Variants in ZNF638 observed in about 807,000 individuals in gnomAD.
The protein encoded by ZNF638 is CTCL tumor antigen se33-1.
In ZNF638, 46 loss-of-function variants were observed where a neutral mutation model predicts 195.6. That is an observed-to-expected ratio of 0.24 (90% CI 0.19 to 0.30). ZNF638 has a LOEUF of 0.30. Ranked by LOEUF, ZNF638 falls within the 10% of genes least tolerant of loss-of-function variation. The pLI is 1.00. For synonymous variants in ZNF638, 845 were observed against 772.0 expected, an observed-to-expected ratio of 1.09 and a Z score of -1.57; for missense variants, 2,440 against 2,325.3, an observed-to-expected ratio of 1.05 and a Z score of -1.01.
intron 3 of ZNF638, among the ~76,000 whole-genome samples, chr2:71,356,796 T>G (rs1026762025): frequency 2.7e-5 from 4 of 149,546 alleles, no homozygotes; most frequent in African/African-American, 9.9e-5. Flanking sequence ...AAAAAAAAAT[T>G]TTTTTTTTTT....
In ZNF638 at chr2:71,331,808, G is replaced by C. The variant is rs1454449632; in HGVS notation, c.-270G>C. 1.0e-6 allele frequency: 1 copy of C among 986,066 alleles called. No individual in the cohort carries two copies. The highest frequency in any genetic ancestry group is 1.2e-6 in the Non-Finnish European group (1 of 830,202). 61.1% of individuals were successfully genotyped at this position (986,066 alleles called of 1,614,324 possible). On this transcript the variant is annotated 5_prime_UTR_variant, in exon 1 of 28. Transcript: ENST00000264447. ...GAGGCGGTAGCGTTTTCGGCGTCGA[G>C]ACTGGAGGCTGAGTGCTAAACTGTG...
chr2:71,423,558 A>G lies in ZNF638; in HGVS notation c.4044A>G (p.Ala1348=). The G allele has an allele frequency of 1.2e-6, 2 of 1,614,068 alleles. No homozygotes were observed. Among genetic ancestry groups the G allele is most frequent in the South Asian group, 1.1e-5 (1 of 91,078 alleles). Residue 1348 remains alanine (A), a synonymous_variant, in exon 22 of 28, where the codon GCA becomes GCG. Coordinates refer to ENST00000264447, the MANE Select transcript of ZNF638 (RefSeq NM_014497.5). ...MDAEKVEKMA[A]MKEKPAENTL... ...CAGAAAAGGTGGAAAAGATGGCAGC[A>G]ATGAAAGAAAAGCCTGCAGAAAACA...
intron 8 of ZNF638, among the ~76,000 whole-genome samples, chr2:71,373,715 G>A (rs1023376021): frequency 1.3e-5 from 2 of 151,952 alleles, no homozygotes; most frequent in Admixed American, 1.3e-4. Flanking sequence ...ACCTCGCCCG[G>A]CCAAGTTTGA....
At chr2:71,369,482 T>A (rs977873384) in intron 7 of ZNF638, among the ~76,000 whole-genome samples, 5 of 152,088 alleles carry the variant, frequency 3.3e-5, no homozygotes, top group Non-Finnish European at 5.9e-5. Flanking sequence ...TTAATTTTTT[T>A]AAAAAGTTTG....
Position 71,362,499 on chromosome 2 carries a change from C to G in ZNF638, c.1380-654C>G, listed in dbSNP as rs116285159. On this transcript the variant is annotated intron_variant, in intron 3 of 27. Transcript: ENST00000264447. The stretch of plus-strand genomic sequence containing the variant: ...TTTTAAGGCTCTTCGTAATTTGTCT[C>G]TACCTGAAACAACAGACAGCCTGTC... Among the ~76,000 whole-genome samples the G allele has an allele frequency of 3.0e-3, 456 of 152,252 alleles. 1 individual carries two copies. Among genetic ancestry groups the G allele is most frequent in the African/African-American group, 0.01 (436 of 41,534 alleles).
In ZNF638 at chr2:71,364,723, T is replaced by C. The variant is rs150325965; in HGVS notation, c.1717+471T>C. ...TTGACTAGCCTGAAAAATTCAAAAA[T>C]AGTACTTTGCACAGGTCTTATTGTG... On this transcript the variant is annotated intron_variant, in intron 5 of 27. Coordinates refer to ENST00000264447, the MANE Select transcript of ZNF638 (RefSeq NM_014497.5). 5.1e-3 allele frequency among the ~76,000 whole-genome samples: 782 copies of C among 152,304 alleles called. 4 individuals are homozygous for C. The highest frequency in any genetic ancestry group is 0.018 in the African/African-American group (744 of 41,574).
intron 10 of ZNF638, among the ~76,000 whole-genome samples, chr2:71,389,456 T>TGCTA (rs1277211526): frequency 2.0e-5 from 3 of 152,182 alleles, no homozygotes; most frequent in Admixed American, 6.5e-5. Context: ...GACTGGTCAG[T>TGCTA]GCTAGCTAAA....
Position 71,400,523 on chromosome 2 carries a change from G to A in ZNF638, c.2697+5G>A. On this transcript the variant is annotated splice_donor_5th_base_variant and intron_variant, in intron 15 of 27. Coordinates refer to ENST00000264447, the MANE Select transcript of ZNF638 (RefSeq NM_014497.5). ...GAGAATGAACCACTTAACAAGGTCA[G>A]TTTTCATGTTTTATTTATTTCTTTA... 1 of 1,595,608 alleles carries A rather than the reference G, an allele frequency of 6.3e-7. No homozygotes were observed. The highest frequency in any genetic ancestry group is 8.5e-7 in the Non-Finnish European group (1 of 1,172,640).
intron 8 of ZNF638, among the ~76,000 whole-genome samples, chr2:71,379,177 T>C (rs776757790): frequency 1.3e-5 from 2 of 152,238 alleles, no homozygotes; most frequent in African/African-American, 2.4e-5. Context: ...AGTTGAACTT[T>C]AGACATTTGA....
chr2:71,362,536 C>G (rs1456048787), intron 3 of ZNF638, among the ~76,000 whole-genome samples: 3 of 152,182 alleles, frequency 2.0e-5, no homozygotes, highest in African/African-American at 7.2e-5. Context: ...AAGTTTCCCC[C>G]TTTATAATTC....
Position 71,348,885 on chromosome 2 carries a change from G to C in ZNF638, c.-70G>C, listed in dbSNP as rs1190967023. The C allele has an allele frequency of 2.5e-6, 4 of 1,613,612 alleles. No individual in the cohort carries two copies. Among genetic ancestry groups the C allele is most frequent in the Non-Finnish European group, 3.4e-6 (4 of 1,179,986 alleles). On this transcript the variant is annotated 5_prime_UTR_variant, in exon 2 of 28. Coordinates refer to ENST00000264447, the MANE Select transcript of ZNF638 (RefSeq NM_014497.5). ...AGACTCAGTTGGCGCTTCAGCAGCT[G>C]AATGCCGTTGCCTCACATGGTTCAA...
rs771817942 is a variant in ZNF638, at chr2:71,423,304, G to A, written c.3790G>A (p.Glu1264Lys). 6.2e-7 allele frequency: 1 copy of A among 1,613,846 alleles called. No individual in the cohort carries two copies. Among genetic ancestry groups the A allele is most frequent in the South Asian group, 1.1e-5 (1 of 91,070 alleles). Reference sequence around the variant, plus strand: ...ACAGACTATGGTAGAAGCTGTAGCTGAAGTAGAAAAAAATGAAACTGTTTC... The same window carrying A: ...ACAGACTATGGTAGAAGCTGTAGCTAAAGTAGAAAAAAATGAAACTGTTTC... ...ITQTMVEAVA[E>K]VEKNETVSEI... The change falls in exon 22 of 28, where the codon GAA becomes AAA. Residue 1264 changes from glutamate (E) to lysine (K), a missense_variant. Transcript: ENST00000264447.
chr2:71,414,039 T>C (rs1193617622), intron 20 of ZNF638, among the ~76,000 whole-genome samples: 10 of 138,112 alleles, frequency 7.2e-5, no homozygotes, highest in African/African-American at 2.4e-4. Context: ...ATTGGAATAG[T>C]TTCAGAAGGA....
At chr2:71,351,998 G>A (rs2078948387) in intron 2 of ZNF638, among the ~76,000 whole-genome samples, 1 of 152,180 alleles carries the variant, frequency 6.6e-6, no homozygotes, top group South Asian at 2.1e-4. Context: ...GTAACAGTAT[G>A]TGTTTAAAAA....
intron 2 of ZNF638, among the ~76,000 whole-genome samples, chr2:71,353,881 A>T (rs533614471): frequency 1.6e-4 from 25 of 152,346 alleles, no homozygotes; most frequent in African/African-American, 6.0e-4. Context: ...TCCAATTAAT[A>T]TTAAAAATAT....
intron 20 of ZNF638, among the ~76,000 whole-genome samples, chr2:71,411,506 G>T (rs1573143745): frequency 9.4e-6 from 1 of 105,956 alleles, no homozygotes; most frequent in Non-Finnish European, 1.9e-5. Flanking sequence ...CTAAGTTTTA[G>T]GGTACATGTG....
intron 10 of ZNF638, among the ~76,000 whole-genome samples, chr2:71,392,960 T>C (rs1187879995): frequency 6.6e-6 from 1 of 152,324 alleles, no homozygotes; most frequent in African/African-American, 2.4e-5. Flanking sequence ...ACACGATACA[T>C]CATTAAACAT....
At chr2:71,418,954 A>T (rs1356055024) in intron 21 of ZNF638, among the ~76,000 whole-genome samples, 1 of 152,358 alleles carries the variant, frequency 6.6e-6, no homozygotes, top group East Asian at 1.9e-4. Context: ...ACGAACAGTA[A>T]TTACATTGTT....
At chr2:71,351,372 C>G (rs1373533282) in intron 2 of ZNF638, among the ~76,000 whole-genome samples, 1 of 152,150 alleles carries the variant, frequency 6.6e-6, no homozygotes, top group African/African-American at 2.4e-5. Flanking sequence ...CCATTTTAGC[C>G]AGATGTGCCA....
Sources: allele counts gnomAD v4.1 joint callset (sites outside exome capture counted in the v4.1 genomes callset), GRCh38; gene constraint gnomAD v4.1.1; transcripts MANE v1.5; gene names NCBI Gene and HGNC (gene_info 2026-07-23, HGNC 2026-07-21).